PCDH15: variants seen among roughly 807,000 people sequenced by gnomAD.
PCDH15 encodes protocadherin-15.
Under a neutral mutation model 178.5 loss-of-function variants are expected in PCDH15, and 129 were observed. That is an observed-to-expected ratio of 0.72 (90% confidence interval 0.63 to 0.84). The LOEUF (loss-of-function observed/expected upper bound fraction) is 0.84. Ranked by LOEUF, PCDH15 falls within the 40% of genes least tolerant of loss-of-function variation. The pLI is 0.00. For synonymous variants in PCDH15, 800 were observed against 732.0 expected (o/e 1.09, Z -1.50); for missense variants, 2,230 against 2,099.9 (o/e 1.06, Z -1.21).
At chr10:54,957,439 G>A (rs1021732544) in intron 2 of PCDH15, among the ~76,000 whole-genome samples, 2 of 151,566 alleles carry the variant, frequency 1.3e-5, no homozygotes, top group African/African-American at 4.8e-5. Flanking sequence ...GTGTGTGGTA[G>A]GATAAAAGGT....
intron 2 of PCDH15, among the ~76,000 whole-genome samples, chr10:54,564,548 T>C (rs942509419): frequency 6.6e-6 from 1 of 152,272 alleles, no homozygotes; most frequent in African/African-American, 2.4e-5. Context: ...GAAAAATCTA[T>C]AATCCAATTT....
chr10:54,325,231 T>A (rs754710641), intron 7 of PCDH15, among the ~76,000 whole-genome samples: 41 of 152,120 alleles, frequency 2.7e-4, no homozygotes, highest in Non-Finnish European at 5.4e-4. Flanking sequence ...TACATGTAAT[T>A]TGAAGGATTC....
chr10:55,138,080 T>G (rs1838251982), intron 2 of PCDH15, among the ~76,000 whole-genome samples: 1 of 152,156 alleles, frequency 6.6e-6, no homozygotes, highest in Non-Finnish European at 1.5e-5. Flanking sequence ...GATTTGAAAT[T>G]TGTAAATAAG....
chr10:55,439,390 C>T (rs947210033), intron 2 of PCDH15, among the ~76,000 whole-genome samples: 2 of 151,950 alleles, frequency 1.3e-5, no homozygotes, highest in African/African-American at 4.8e-5. Context: ...TCCAAATATG[C>T]CACAATAGAA....
At chr10:53,952,132 C>A (rs898895098) in intron 23 of PCDH15, among the ~76,000 whole-genome samples, 1 of 152,164 alleles carries the variant, frequency 6.6e-6, no homozygotes, top group East Asian at 1.9e-4. Flanking sequence ...AGGGCCACTT[C>A]GCTTCTCTTC....
At chr10:54,207,420 TTTA>T (rs1424703811) in intron 10 of PCDH15, among the ~76,000 whole-genome samples, 7 of 151,744 alleles carry the variant, frequency 4.6e-5, no homozygotes, top group Admixed American at 2.6e-4. Flanking sequence ...TTTGGTATTA[TTTA>T]TTATTTCCTA....
intron 15 of PCDH15, among the ~76,000 whole-genome samples, chr10:54,117,015 G>A (rs2095125444): frequency 6.6e-6 from 1 of 152,136 alleles, no homozygotes; most frequent in Admixed American, 6.5e-5. Context: ...CTTTGGTGTT[G>A]CTTCGCCAGC....
chr10:54,768,657 C>A (rs1209345794), intron 1 of PCDH15, among the ~76,000 whole-genome samples: 2 of 152,130 alleles, frequency 1.3e-5, no homozygotes, highest in African/African-American at 4.8e-5. Context: ...ACTCTTACAG[C>A]AAATTCTCCT....
At chr10:54,020,636 G>A (rs908281165) in intron 19 of PCDH15, among the ~76,000 whole-genome samples, 4 of 150,362 alleles carry the variant, frequency 2.7e-5, no homozygotes, top group African/African-American at 5.0e-5. Context: ...GGGAGGAAAG[G>A]AGGGAGACAG....
chr10:55,401,552 C>T (rs887910894), intron 2 of PCDH15, among the ~76,000 whole-genome samples: 72 of 150,610 alleles, frequency 4.8e-4, no homozygotes, highest in Admixed American at 3.7e-3. Flanking sequence ...GGATCACTAA[C>T]GGACATGACT....
intron 2 of PCDH15, among the ~76,000 whole-genome samples, chr10:55,551,622 TA>T (rs1311731889): frequency 1.3e-5 from 2 of 151,758 alleles, no homozygotes; most frequent in Non-Finnish European, 3.0e-5. Flanking sequence ...CAAAACAAAT[TA>T]ACCTCAATTT....
intron 10 of PCDH15, among the ~76,000 whole-genome samples, chr10:54,206,602 A>T (rs974752843): frequency 5.9e-5 from 9 of 152,286 alleles, no homozygotes; most frequent in African/African-American, 2.2e-4. Flanking sequence ...GCCAACCAGA[A>T]TAATGTATTT....
At chr10:54,539,236 T>C (rs937375886) in intron 2 of PCDH15, among the ~76,000 whole-genome samples, 1 of 152,166 alleles carries the variant, frequency 6.6e-6, no homozygotes, top group Non-Finnish European at 1.5e-5. Flanking sequence ...CAAGAGACGC[T>C]TCTCACATGT....
chr10:54,826,036 T>C (rs1004344121), intron 3 of PCDH15, among the ~76,000 whole-genome samples: 4 of 152,116 alleles, frequency 2.6e-5, no homozygotes, highest in African/African-American at 9.6e-5. Context: ...AAAATTTTAA[T>C]TCCATTGTAG....
At chr10:54,820,247 C>A (rs1953016214) in intron 3 of PCDH15, among the ~76,000 whole-genome samples, 1 of 151,928 alleles carries the variant, frequency 6.6e-6, no homozygotes, top group South Asian at 2.1e-4. Flanking sequence ...GCTTTTTGGG[C>A]TCCATCGAGA....
intron 37 of PCDH15, among the ~76,000 whole-genome samples, chr10:53,810,293 T>C (rs1181434002): frequency 6.6e-6 from 1 of 152,170 alleles, no homozygotes; most frequent in Non-Finnish European, 1.5e-5. Flanking sequence ...GAGCAAGATT[T>C]AGAATTTTAG....
At chr10:54,853,701 A>G (rs1351239966) in intron 3 of PCDH15, among the ~76,000 whole-genome samples, 1 of 152,002 alleles carries the variant, frequency 6.6e-6, no homozygotes, top group African/African-American at 2.4e-5. Flanking sequence ...TGAACTGAAT[A>G]GACAGGTTTT....
chr10:55,188,703 G>A (rs911222563), intron 1 of PCDH15, among the ~76,000 whole-genome samples: 1 of 151,260 alleles, frequency 6.6e-6, no homozygotes, highest in Non-Finnish European at 1.5e-5. Flanking sequence ...TAAAGTTATG[G>A]TCCTTTAAAT....
intron 1 of PCDH15, among the ~76,000 whole-genome samples, chr10:55,267,354 T>A (rs1416023816): frequency 6.6e-6 from 1 of 152,210 alleles, no homozygotes; most frequent in Admixed American, 6.5e-5. Flanking sequence ...GTGAACAGCA[T>A]TGCAATTTCA....
Sources: gnomAD v4.1 joint callset for allele counts (sites outside exome capture counted in the v4.1 genomes callset) on GRCh38, gnomAD v4.1.1 for gene constraint, MANE v1.5 for transcripts, NCBI Gene and HGNC (gene_info 2026-07-23, HGNC 2026-07-21) for gene names.